RRP36: variants seen among roughly 807,000 people sequenced by gnomAD.
RRP36 encodes the protein ribosomal RNA processing 36, also known as ribosomal RNA processing protein 36 homolog.
A neutral mutation model predicts 39.8 loss-of-function variants in RRP36; 44 were observed. That is an observed-to-expected ratio of 1.10 (90% CI 0.87 to 1.42). RRP36 has a LOEUF of 1.42. RRP36 is among the 40% of genes most tolerant of loss of function. The pLI is 0.00. For missense variants in RRP36, 316 were observed against 322.4 expected (o/e 0.98, Z 0.15); for synonymous variants, 124 against 123.1 (o/e 1.01, Z -0.05).
chr6:43,022,711 C>T (rs1049227548), intron 1 of RRP36, among the ~76,000 whole-genome samples: 1 of 148,936 alleles, frequency 6.7e-6, no homozygotes, highest in Non-Finnish European at 1.5e-5. Context: ...CAGCTCACTG[C>T]AAGCTCCGCC....
In RRP36 at chr6:43,027,471, A is replaced by G; in HGVS notation, c.637A>G (p.Lys213Glu). 6.2e-7 allele frequency: 1 copy of G among 1,613,234 alleles called. No individual in the cohort carries two copies. Among genetic ancestry groups the G allele is most frequent in the Non-Finnish European group, 8.5e-7 (1 of 1,179,482 alleles). ...GCAGGGCCATCGGCCATACTTCCTG[A>G]AAAAATGTGAGTTGGGCACAACTGT... is the stretch of plus-strand genomic sequence containing the variant. Reference protein sequence around the residue: ...AQQGHRPYFLKKSEQRQLALA... With the variant: ...AQQGHRPYFLEKSEQRQLALA... The change falls in exon 6 of 7, where the codon AAA becomes GAA. Residue 213 changes from lysine to glutamate, a missense_variant. By Grantham distance (56) the Lys-to-Glu change is moderately conservative. Transcript: ENST00000244496.
chr6:43,022,165 G>T (rs1323100647), intron 1 of RRP36, among the ~76,000 whole-genome samples: 4 of 152,034 alleles, frequency 2.6e-5, no homozygotes, highest in Non-Finnish European at 5.9e-5. Flanking sequence ...GAGTGCAGTG[G>T]CGCGATGTCG....
chr6:43,022,656 GGC>G lies in RRP36; in HGVS notation c.130+874_130+875del, dbSNP rs1466768668. 5.1e-3 allele frequency among the ~76,000 whole-genome samples: 626 copies of G among 123,770 alleles called. 6 individuals are homozygous for G. The highest frequency in any genetic ancestry group is 0.021 in the African/African-American group (599 of 28,516). The allele number at this position is 123,770 out of a possible 152,430, so 81.2% of individuals were successfully genotyped here. A position where few individuals can be genotyped will look rare whatever the true frequency, so the allele number is the denominator to read the frequency against. ...CCTTTTTTTTTTTTTTTTTTTTGAC[GGC>G]GTCTCGCTCTGTTGCCCATGCTGGA... On this transcript the variant is annotated intron_variant, in intron 1 of 6. Transcript: ENST00000244496.
chr6:43,025,660 A>G (rs1762799954), intron 3 of RRP36, among the ~76,000 whole-genome samples: 1 of 146,588 alleles, frequency 6.8e-6, no homozygotes, highest in South Asian at 2.2e-4. Flanking sequence ...GGCCGGGCGC[A>G]GTGGCTCATG....
In RRP36 at chr6:43,021,643, T is replaced by C. The variant is rs536068681; in HGVS notation, c.-12T>C. The C allele has an allele frequency of 4.0e-5, 51 of 1,283,206 alleles. No homozygotes were observed. Among genetic ancestry groups the C allele is most frequent in the Non-Finnish European group, 4.6e-5 (47 of 1,013,756 alleles). The allele number at this position is 1,283,206 out of a possible 1,614,324, so 79.5% of individuals were successfully genotyped here. ...GCGGCGCCATTCGTCTTCCGAGCGC[T>C]ACTGCCAGCTGATGCCGGGAGCTAA... On this transcript the variant is annotated 5_prime_UTR_variant, in exon 1 of 7. Coordinates refer to ENST00000244496, the MANE Select transcript of RRP36 (RefSeq NM_033112.4).
chr6:43,025,196 G>A (rs919163497), intron 2 of RRP36, 64 bp downstream of exon 2: 62 of 1,612,226 alleles, frequency 3.8e-5, no homozygotes, highest in Admixed American at 1.7e-5. Flanking sequence ...TGTTGTCTTG[G>A]GTGACAGGTG....
Position 43,027,354 on chromosome 6 carries a change from C to T in RRP36, c.526-6C>T. On this transcript the variant is annotated splice_polypyrimidine_tract_variant and splice_region_variant and intron_variant, in intron 5 of 6. Transcript: ENST00000244496. The stretch of plus-strand genomic sequence containing the variant: ...CCCGTTCACCCATCTCATCTTTGCT[C>T]CTCAGGAGCAGCAAGAAATGGCACA... The T allele has an allele frequency of 6.2e-7, 1 of 1,613,902 alleles. No homozygotes were observed. The highest frequency in any genetic ancestry group is 8.5e-7 in the Non-Finnish European group (1 of 1,179,756).
At position 43,021,782 on chromosome 6, in the gene RRP36, G is replaced by C; in HGVS notation, c.128G>C (p.Arg43Thr). The C allele has an allele frequency of 1.1e-5, 13 of 1,219,296 alleles. No individual in the cohort carries two copies. Among genetic ancestry groups the C allele is most frequent in the Non-Finnish European group, 1.3e-5 (13 of 979,298 alleles). 75.5% of individuals were successfully genotyped at this position (1,219,296 alleles called of 1,614,324 possible). A position where few individuals can be genotyped will look rare whatever the true frequency, so the allele number is the denominator to read the frequency against. ...GCGGCCGTGGCCCGCGACCTATTGA[G>C]GGGTGAGGGCATGGGGCAGGGCGGG... Reference protein sequence around the residue: ...EPAAVARDLLRGTSNMSFEEL... With the variant: ...EPAAVARDLLTGTSNMSFEEL... Residue 43 changes from arginine to threonine, a missense_variant and splice_region_variant, in exon 1 of 7, where the codon AGG becomes ACG. By Grantham distance (71) the Arg-to-Thr change is moderately conservative (BLOSUM62 -1). Transcript: ENST00000244496.
intron 3 of RRP36, 67 bp from the exon 4 acceptor site, chr6:43,025,970 A>T: frequency 8.4e-7 from 1 of 1,185,968 alleles, no homozygotes; most frequent in Admixed American, 2.0e-5. Flanking sequence ...AAGAGACAGG[A>T]AGCACTTTTT....
chr6:43,027,712 AC>A (rs397973528), intron 6 of RRP36, among the ~76,000 whole-genome samples: 1,121 of 44,900 alleles, frequency 0.025, 12 homozygotes, highest in African/African-American at 0.079. Flanking sequence ...CCACTTCCCA[AC>A]CCCCCCCCCC....
chr6:43,021,921 G>C (rs1762722448), intron 1 of RRP36, 137 bp downstream of exon 1: 2 of 573,998 alleles, frequency 3.5e-6, no homozygotes, highest in African/African-American at 5.4e-5. Context: ...CCCCAGTGCA[G>C]TGGAAAGTGG....
At chr6:43,023,448 C>T (rs1449600516) in intron 1 of RRP36, among the ~76,000 whole-genome samples, 1 of 151,878 alleles carries the variant, frequency 6.6e-6, no homozygotes, top group Non-Finnish European at 1.5e-5. Flanking sequence ...GTAATCCCAG[C>T]ACTTTGGGAG....
In RRP36 at chr6:43,021,768, C is replaced by T; in HGVS notation, c.114C>T (p.Ala38=). 1 of 1,220,792 alleles carries T rather than the reference C, an allele frequency of 8.2e-7. No individual in the cohort carries two copies. Among genetic ancestry groups the T allele is most frequent in the Non-Finnish European group, 1.0e-6 (1 of 980,322 alleles). 75.6% of individuals were successfully genotyped at this position (1,220,792 alleles called of 1,614,324 possible). Residue 38 remains alanine (A), a synonymous_variant, in exon 1 of 7, where the codon GCC becomes GCT. Transcript: ENST00000244496. The part of the protein sequence containing the change: ...DGGGLEPAAV[A]RDLLRGTSNM... The stretch of plus-strand genomic sequence containing the variant: ...GGGGCCTGGAGCCCGCGGCCGTGGC[C>T]CGCGACCTATTGAGGGGTGAGGGCA...
At position 43,021,673 on chromosome 6, in the gene RRP36, C is replaced by A. The variant is rs374693217; in HGVS notation, c.19C>A (p.Arg7Ser). ...CCAGCTGATGCCGGGAGCTAACTAC[C>A]GCGCCGGGGCCGGGGCCGGGGCCGG... MPGANY[R>S]AGAGAGAGAR... Residue 7 changes from arginine (R) to serine (S), a missense_variant, in exon 1 of 7, where the codon CGC (arginine) becomes AGC (serine). Transcript: ENST00000244496. 2 of 1,247,948 alleles carry A rather than the reference C, an allele frequency of 1.6e-6. No individual in the cohort carries two copies. Among genetic ancestry groups the A allele is most frequent in the East Asian group, 3.0e-5 (1 of 33,218 alleles). The allele number at this position is 1,247,948 out of a possible 1,614,324, so 77.3% of individuals were successfully genotyped here. A position where few individuals can be genotyped will look rare whatever the true frequency, so the allele number is the denominator to read the frequency against.
intron 6 of RRP36, 29 bp downstream of exon 6, chr6:43,027,506 G>A: frequency 6.3e-7 from 1 of 1,579,248 alleles, no homozygotes; most frequent in South Asian, 1.1e-5. Flanking sequence ...TTGCTAACAG[G>A]GACAGGGGTG....
At position 43,021,696 on chromosome 6, in the gene RRP36, C is replaced by T. The variant is rs564567932; in HGVS notation, c.42C>T (p.Ala14=). 14 of 1,174,232 alleles carry T rather than the reference C, an allele frequency of 1.2e-5. No homozygotes were observed. Among genetic ancestry groups the T allele is most frequent in the Non-Finnish European group, 1.5e-5 (14 of 949,460 alleles). 72.7% of individuals were successfully genotyped at this position (1,174,232 alleles called of 1,614,324 possible). ...ACCGCGCCGGGGCCGGGGCCGGGGC[C>T]GGGGCCCGACGTCCCCGCGGGGCCC... The part of the protein sequence containing the change: ...ANYRAGAGAG[A]GARRPRGARD... Residue 14 remains alanine (A), a synonymous_variant, in exon 1 of 7, where the codon GCC becomes GCT. Transcript: ENST00000244496.
chr6:43,023,858 A>AT (rs566772892), intron 1 of RRP36, among the ~76,000 whole-genome samples: 21,738 of 141,474 alleles, frequency 0.15, 2,185 homozygotes, highest in African/African-American at 0.27. Context: ...GAGAGGTTGC[A>AT]TTTTTTTTTT....
chr6:43,028,151 A>G (rs1762852496), intron 6 of RRP36, among the ~76,000 whole-genome samples: 1 of 151,280 alleles, frequency 6.6e-6, no homozygotes, highest in Non-Finnish European at 1.5e-5. Context: ...CAACATGGTG[A>G]AACCCTGTCT....
In RRP36 at chr6:43,024,671, C is replaced by T. The variant is rs543457708; in HGVS notation, c.131-314C>T. Reference sequence around the variant, plus strand: ...GGCAATGGTAACTGAGCAAGGGAGGCAGATGCCCTTCTGGGGAAACCTGTG... The same window carrying T: ...GGCAATGGTAACTGAGCAAGGGAGGTAGATGCCCTTCTGGGGAAACCTGTG... On this transcript the variant is annotated intron_variant, in intron 1 of 6. Transcript: ENST00000244496. Among the ~76,000 whole-genome samples the T allele has an allele frequency of 6.6e-5, 10 of 152,176 alleles. No individual in the cohort carries two copies. In the South Asian group the frequency reaches 1.0e-3, roughly 16 times the overall value.
Sources: allele counts gnomAD v4.1 joint callset (sites outside exome capture counted in the v4.1 genomes callset), GRCh38; gene constraint gnomAD v4.1.1; transcripts MANE v1.5; gene names NCBI Gene and HGNC (gene_info 2026-07-23, HGNC 2026-07-21).